CATSPERB: variants seen among roughly 807,000 people sequenced by gnomAD.
The protein encoded by CATSPERB is catsper channel auxiliary subunit beta, also known as cation channel sperm-associated auxiliary subunit beta.
A neutral mutation model predicts 128.3 loss-of-function variants in CATSPERB; 93 were observed. The observed-to-expected ratio is 0.72, with a 90% CI of 0.61 to 0.86. CATSPERB has a LOEUF of 0.86. CATSPERB is among the 40% of genes least tolerant of loss of function. The pLI, the probability that CATSPERB is intolerant of heterozygous loss-of-function variation, is 0.00. For missense variants in CATSPERB, 1,153 were observed against 1,329.5 expected, an observed-to-expected ratio of 0.87 and a Z score of 2.06; for synonymous variants, 381 against 448.8, an observed-to-expected ratio of 0.85 and a Z score of 1.91.
chr14:91,581,461 T>G (rs944864255), intron 26 of CATSPERB, among the ~76,000 whole-genome samples: 5 of 152,174 alleles, frequency 3.3e-5, no homozygotes, highest in African/African-American at 1.2e-4. Context: ...CCTAGGGCAG[T>G]CAGGGAATGC....
chr14:91,724,575 TGTTA>T (rs1438209765), intron 3 of CATSPERB, among the ~76,000 whole-genome samples: 2 of 152,220 alleles, frequency 1.3e-5, no homozygotes, highest in Non-Finnish European at 2.9e-5. Flanking sequence ...TGTATATTTT[TGTTA>T]GTATTTGCTG....
intron 5 of CATSPERB, among the ~76,000 whole-genome samples, chr14:91,717,906 A>G (rs997901940): frequency 6.6e-5 from 10 of 152,210 alleles, no homozygotes; most frequent in Non-Finnish European, 4.4e-5. Context: ...TTACAGTACT[A>G]GCACAAAGAT....
At chr14:91,662,924 T>A (rs1566722662) in intron 14 of CATSPERB, among the ~76,000 whole-genome samples, 1 of 152,218 alleles carries the variant, frequency 6.6e-6, no homozygotes, top group Non-Finnish European at 1.5e-5. Context: ...TCTTTATATA[T>A]TCTTACTTCT....
intron 26 of CATSPERB, among the ~76,000 whole-genome samples, chr14:91,582,222 T>C (rs1189239340): frequency 6.6e-6 from 1 of 152,202 alleles, no homozygotes; most frequent in Non-Finnish European, 1.5e-5. Flanking sequence ...AACACCTTTT[T>C]CCAAAAATGT....
chr14:91,684,593 G>A, intron 10 of CATSPERB, among the ~76,000 whole-genome samples: 1 of 149,662 alleles, frequency 6.7e-6, no homozygotes, highest in Non-Finnish European at 1.5e-5. Context: ...TTGAACACAT[G>A]AGGAGACACT....
rs138786587 is a variant in CATSPERB at position 91,698,318 on chromosome 14, C to T, written c.617-4839G>A. ...GTTTCTAGGTATAAAATCATATTGT[C>T]GGCAAAGAGAGAGAGTTTGACTTCT... On this transcript the variant is annotated intron_variant, in intron 7 of 26. Transcript: ENST00000256343. Among the ~76,000 whole-genome samples the T allele has an allele frequency of 8.7e-3, 1,324 of 152,234 alleles. 10 individuals carry two copies. The highest frequency in any genetic ancestry group is 0.058 in the Middle Eastern group (17 of 294).
At chr14:91,685,959 T>G (rs564487755) in intron 10 of CATSPERB, among the ~76,000 whole-genome samples, 2 of 152,296 alleles carry the variant, frequency 1.3e-5, no homozygotes, top group East Asian at 3.9e-4. Flanking sequence ...CTAAACAGAT[T>G]TTGGTGGATA....
chr14:91,638,556 A>C (rs1340626065), intron 16 of CATSPERB, among the ~76,000 whole-genome samples: 1 of 152,100 alleles, frequency 6.6e-6, no homozygotes, highest in Non-Finnish European at 1.5e-5. Flanking sequence ...AAGAAGCTGG[A>C]ACTACAGATG....
intron 5 of CATSPERB, chr14:91,710,540 T>C (rs1247837747): frequency 6.6e-6 from 1 of 152,216 alleles, no homozygotes; most frequent in African/African-American, 2.4e-5. Flanking sequence ...TACTTGGCAC[T>C]ATTACAAAAC....
chr14:91,631,082 C>T (rs1002441233), intron 17 of CATSPERB, among the ~76,000 whole-genome samples: 1 of 152,188 alleles, frequency 6.6e-6, no homozygotes, highest in African/African-American at 2.4e-5. Context: ...CCCTCTGTCA[C>T]CATATTTACT....
At chr14:91,626,900 A>G (rs1894174539) in intron 17 of CATSPERB, among the ~76,000 whole-genome samples, 1 of 152,248 alleles carries the variant, frequency 6.6e-6, no homozygotes, top group South Asian at 2.1e-4. Context: ...GAAAATTGAT[A>G]AATTTCTCTC....
intron 7 of CATSPERB, among the ~76,000 whole-genome samples, chr14:91,698,930 C>A (rs1895604195): frequency 6.6e-6 from 1 of 152,134 alleles, no homozygotes; most frequent in Non-Finnish European, 1.5e-5. Context: ...AGCTTAGCTC[C>A]CACTTATAAG....
intron 14 of CATSPERB, among the ~76,000 whole-genome samples, chr14:91,669,565 A>T (rs1895049904): frequency 6.6e-6 from 1 of 152,242 alleles, no homozygotes; most frequent in Non-Finnish European, 1.5e-5. Context: ...AGGTATAGTA[A>T]TTGGCAACAT....
At chr14:91,595,640 TGTAC>T (rs1386126746) in intron 22 of CATSPERB, among the ~76,000 whole-genome samples, 1 of 152,184 alleles carries the variant, frequency 6.6e-6, no homozygotes, top group Non-Finnish European at 1.5e-5. Flanking sequence ...ACAGGGACTG[TGTAC>T]ACAAAATATG....
intron 20 of CATSPERB, among the ~76,000 whole-genome samples, chr14:91,612,429 G>A (rs1234123225): frequency 1.3e-5 from 2 of 152,102 alleles, no homozygotes; most frequent in African/African-American, 4.8e-5. Flanking sequence ...GGGAACAGAG[G>A]TATGAGCCAC....
At chr14:91,601,585 A>G (rs1893608025) in intron 22 of CATSPERB, among the ~76,000 whole-genome samples, 1 of 152,190 alleles carries the variant, frequency 6.6e-6, no homozygotes, top group African/African-American at 2.4e-5. Flanking sequence ...GTTGAGTTTA[A>G]TAGTACAGGT....
intron 22 of CATSPERB, among the ~76,000 whole-genome samples, chr14:91,593,958 C>T (rs1893454989): frequency 6.6e-6 from 1 of 152,190 alleles, no homozygotes; most frequent in African/African-American, 2.4e-5. Context: ...ATAAGTCTCA[C>T]AAGATCTGAT....
At chr14:91,616,734 T>C (rs10146046) in intron 20 of CATSPERB, among the ~76,000 whole-genome samples, 739 of 9,888 alleles carry the variant, frequency 0.075, 3 homozygotes, top group Middle Eastern at 0.2. Context: ...AGTATTCCCC[T>C]TTTTTTTTTT....
intron 10 of CATSPERB, among the ~76,000 whole-genome samples, chr14:91,690,765 G>A (rs1895454755): frequency 1.3e-5 from 2 of 152,222 alleles, no homozygotes; most frequent in South Asian, 4.1e-4. Context: ...ACATGCACAT[G>A]TGCACACAGA....
Sources: allele counts gnomAD v4.1 joint callset (sites outside exome capture counted in the v4.1 genomes callset), GRCh38; gene constraint gnomAD v4.1.1; transcripts MANE v1.5; gene names NCBI Gene and HGNC (gene_info 2026-07-23, HGNC 2026-07-21).